The following RNPS1 variants were observed in gnomAD, a reference collection of about 807,000 sequenced individuals.
RNPS1 encodes RNA-binding protein with serine-rich domain 1.
For synonymous variants in RNPS1, 147 were observed against 150.0 expected (o/e 0.98, Z 0.15); for missense variants, 300 against 427.6 (o/e 0.70, Z 2.63).
chr16:2,263,399 C>T, intron 3 of RNPS1, 112 bp from the exon 4 acceptor site: 3 of 1,023,850 alleles, frequency 2.9e-6, no homozygotes, highest in East Asian at 2.4e-5. Flanking sequence ...CGGGTGCCTC[C>T]AGGCCTCACT....
At chr16:2,262,956 C>G in intron 4 of RNPS1, 114 bp from the exon 5 acceptor site, 2 of 1,301,080 alleles carry the variant, frequency 1.5e-6, no homozygotes, top group Non-Finnish European at 2.2e-6. Flanking sequence ...GAAGACTTTC[C>G]TGCTAGTTCA....
intron 7 of RNPS1, 30 bp from the exon 8 acceptor site, chr16:2,254,093 T>G (rs1205750105): frequency 2.1e-6 from 3 of 1,422,862 alleles, no homozygotes; most frequent in Non-Finnish European, 2.8e-6. Flanking sequence ...CACATCAGAG[T>G]AGCTCAGGCT....
chr16:2,257,017 A>T (rs1178636373), intron 6 of RNPS1: 1 of 152,194 alleles, frequency 6.6e-6, no homozygotes, highest in Non-Finnish European at 1.5e-5. Context: ...AAATTTTAGG[A>T]GATGCCAAAG....
At chr16:2,262,464 G>C in intron 5 of RNPS1, 33 bp from the exon 6 acceptor site, 1 of 1,612,458 alleles carries the variant, frequency 6.2e-7, no homozygotes, top group Non-Finnish European at 8.5e-7. Context: ...CCAACGCCCA[G>C]CTACCAGTCA....
chr16:2,268,020 A>G (rs1156392891), intron 1 of RNPS1, 35 bp downstream of exon 1: 1 of 1,533,710 alleles, frequency 6.5e-7, no homozygotes, highest in Admixed American at 2.0e-5. Context: ...GCAGCCCCCG[A>G]AACACGGATG....
chr16:2,264,407 C>T (rs950859918), intron 2 of RNPS1, 76 bp from the exon 3 acceptor site: 5 of 1,599,328 alleles, frequency 3.1e-6, no homozygotes, highest in Non-Finnish European at 4.3e-6. Context: ...AACGGGGGAT[C>T]AGCATCAGCA....
At chr16:2,266,802 T>C (rs1049928463) in intron 1 of RNPS1, 1 of 665,984 alleles carries the variant, frequency 1.5e-6, no homozygotes. Flanking sequence ...TTTTAACGTT[T>C]GACACATCCA....
At position 2,263,161 on chromosome 16, in the gene RNPS1, G is replaced by C. The variant is rs374314218; in HGVS notation, c.354C>G (p.Ser118Arg). The C allele has an allele frequency of 8.7e-6, 14 of 1,613,762 alleles. No homozygotes were observed. The highest frequency in any genetic ancestry group is 1.3e-5 in the African/African-American group (1 of 74,918). The stretch of plus-strand genomic sequence containing the variant: ...AAGGACTTGGAGAGCCAGAAGAGCT[G>C]CTAGAGCTGGAGCTGCGGGAGGTGC... ...SSSTSRSSSS[S>R]SSSGSPSPSR... The change falls in exon 4 of 8, where the codon AGC becomes AGG. Residue 118 changes from serine (S) to arginine (R), a missense_variant. Transcript: ENST00000320225.
chr16:2,255,049 T>C (rs1175128754), intron 7 of RNPS1, among the ~76,000 whole-genome samples: 2 of 152,182 alleles, frequency 1.3e-5, no homozygotes, highest in Non-Finnish European at 2.9e-5. Context: ...AGTTTTACTT[T>C]TTAATACTAG....
At position 2,261,628 on chromosome 16, in the gene RNPS1, A is replaced by G. The variant is rs533642411; in HGVS notation, c.676+650T>C. ...ACTGTCTGAGTAGTTAAATATTAAA[A>G]GCCAAGGCCCTTATACAAAGGCTGG... On this transcript the variant is annotated intron_variant, in intron 6 of 7. Coordinates refer to ENST00000320225, the MANE Select transcript of RNPS1 (RefSeq NM_080594.4). 3.9e-5 allele frequency among the ~76,000 whole-genome samples: 6 copies of G among 152,368 alleles called. No homozygotes were observed. In the South Asian group the frequency reaches 1.2e-3, roughly 32 times the overall value.
chr16:2,254,577 G>A lies in RNPS1; in HGVS notation c.819-514C>T, dbSNP rs1484972220. On this transcript the variant is annotated intron_variant, in intron 7 of 7. Transcript: ENST00000320225. ...CTCCCAAAGTGCTGGGATTACAGGC[G>A]TGAGCCACCATGCTAGGCCTAATTT... Among the ~76,000 whole-genome samples, 3 of 151,332 alleles carry A rather than the reference G, an allele frequency of 2.0e-5. No homozygotes were observed. In the East Asian group the frequency reaches 6.0e-4, roughly 30 times the overall value.
intron 7 of RNPS1, among the ~76,000 whole-genome samples, 165 bp downstream of exon 7, chr16:2,255,420 C>T (rs1469436195): frequency 6.6e-6 from 1 of 152,384 alleles, no homozygotes; most frequent in Middle Eastern, 3.4e-3. Flanking sequence ...TGGCTTACTG[C>T]AGCTGTGGCC....
rs571971969 is a variant in RNPS1, at chr16:2,264,166, C to A, written c.227+10G>T. On this transcript the variant is annotated intron_variant, in intron 3 of 7. Coordinates refer to ENST00000320225, the MANE Select transcript of RNPS1 (RefSeq NM_080594.4). ...AGGTCCTCTCCAGGCTCCAGGCCAG[C>A]CCGCCCCACCTGGTACTGCTGCTAC... The A allele has an allele frequency of 1.9e-6, 3 of 1,612,346 alleles. No homozygotes were observed. Among genetic ancestry groups the A allele is most frequent in the Admixed American group, 3.3e-5 (2 of 60,010 alleles).
At chr16:2,261,006 T>C (rs2093601040) in intron 6 of RNPS1, among the ~76,000 whole-genome samples, 1 of 151,932 alleles carries the variant, frequency 6.6e-6, no homozygotes, top group Non-Finnish European at 1.5e-5. Flanking sequence ...GGTGGGCGCC[T>C]GTAGTCCCAG....
Position 2,263,147 on chromosome 16 carries a change from G to A in RNPS1, c.368C>T (p.Ser123Phe), listed in dbSNP as rs777373626. Reference sequence around the variant, plus strand: ...GTGTCTGCGCCGAGAAGGACTTGGAGAGCCAGAAGAGCTGCTAGAGCTGGA... The same window carrying A: ...GTGTCTGCGCCGAGAAGGACTTGGAAAGCCAGAAGAGCTGCTAGAGCTGGA... ...RSSSSSSSSGSPSPSRRRHDN... is the reference protein window; with the variant it reads ...RSSSSSSSSGFPSPSRRRHDN... Residue 123 changes from serine to phenylalanine, a missense_variant, in exon 4 of 8, where the codon TCT becomes TTT. Coordinates refer to ENST00000320225, the MANE Select transcript of RNPS1 (RefSeq NM_080594.4). 9 of 1,613,778 alleles carry A rather than the reference G, an allele frequency of 5.6e-6. No homozygotes were observed. The highest frequency in any genetic ancestry group is 4.4e-5 in the South Asian group (4 of 91,070).
chr16:2,256,543 T>G (rs2093579259), intron 6 of RNPS1: 1 of 151,944 alleles, frequency 6.6e-6, no homozygotes, highest in East Asian at 1.9e-4. Context: ...GGGCAACAAC[T>G]GAGACTCCGT....
In RNPS1 at chr16:2,253,826, GA is replaced by G. The variant is rs1226731234; in HGVS notation, c.*137del. On this transcript the variant is annotated 3_prime_UTR_variant, in exon 8 of 8. Transcript: ENST00000320225. The stretch of plus-strand genomic sequence containing the variant: ...TTCTGCAGCCGGGGCCCGGCTGGCA[GA>G]GGGGTGCTGCCTGCTGCCTGCAAAT... The G allele has an allele frequency of 1.9e-5, 15 of 781,674 alleles. No individual in the cohort carries two copies. Among genetic ancestry groups the G allele is most frequent in the Non-Finnish European group, 3.4e-5 (15 of 444,740 alleles). 48.4% of individuals were successfully genotyped at this position (781,674 alleles called of 1,614,324 possible).
chr16:2,260,147 CTTTTTTT>C (rs776703032), intron 6 of RNPS1, among the ~76,000 whole-genome samples: 17 of 72,432 alleles, frequency 2.3e-4, no homozygotes, highest in East Asian at 1.5e-3. Context: ...TGTGTGTATT[CTTTTTTT>C]TTTTTTTTTT....
intron 7 of RNPS1, among the ~76,000 whole-genome samples, chr16:2,255,303 C>A (rs141984549): frequency 2.0e-5 from 3 of 152,206 alleles, no homozygotes; most frequent in African/African-American, 7.2e-5. Context: ...AAAAGGTGGG[C>A]CTGCACCTGG....
Sources: gnomAD v4.1 joint callset for allele counts (sites outside exome capture counted in the v4.1 genomes callset) on GRCh38, gnomAD v4.1.1 for gene constraint, MANE v1.5 for transcripts, NCBI Gene and HGNC (gene_info 2026-07-23, HGNC 2026-07-21) for gene names.